ZNF276: variants seen among roughly 807,000 people sequenced by gnomAD.
The protein encoded by ZNF276 is zinc finger protein 276, also known as centromere protein Z.
In ZNF276, 59 loss-of-function variants were observed where a neutral mutation model predicts 63.9. That is an observed-to-expected ratio of 0.92 (90% CI 0.75 to 1.15). ZNF276 has a LOEUF of 1.15. Among genes scored for constraint, ZNF276 ranks in the 50% most tolerant of loss-of-function variants. The pLI is 0.00. For missense variants in ZNF276, 1,084 were observed against 843.8 expected, an observed-to-expected ratio of 1.28 and a Z score of -3.53; for synonymous variants, 496 against 348.4, an observed-to-expected ratio of 1.42 and a Z score of -4.72.
chr16:89,722,496 T>C, intron 1 of ZNF276, 35 bp from the exon 2 acceptor site: 1 of 1,576,784 alleles, frequency 6.3e-7, no homozygotes, highest in Non-Finnish European at 8.6e-7. Context: ...GAGCCTCCTT[T>C]GCCAGCTGCT....
intron 1 of ZNF276, 72 bp downstream of exon 1, chr16:89,721,917 G>T (rs886656474): frequency 3.1e-5 from 33 of 1,056,468 alleles, no homozygotes; most frequent in Non-Finnish European, 3.8e-5. Flanking sequence ...CCGCACTGAC[G>T]CCCGGAAGCC....
At chr16:89,733,606 C>T in intron 8 of ZNF276, 49 bp downstream of exon 8, 3 of 1,599,818 alleles carry the variant, frequency 1.9e-6, no homozygotes, top group Non-Finnish European at 2.6e-6. Context: ...TCAGTGTGAA[C>T]CTGGGGGAGG....
chr16:89,735,500 G>T (rs139792996), intron 9 of ZNF276, among the ~76,000 whole-genome samples: 15 of 121,760 alleles, frequency 1.2e-4, no homozygotes, highest in Non-Finnish European at 2.2e-4. Context: ...TCTCCTGATG[G>T]CAGCACTTCC....
chr16:89,735,450 C>T (rs191030873), intron 9 of ZNF276, among the ~76,000 whole-genome samples: 1 of 152,282 alleles, frequency 6.6e-6, no homozygotes, highest in East Asian at 1.9e-4. Flanking sequence ...TGGGTCATCT[C>T]CCGACATGCG....
In ZNF276 at chr16:89,740,334, A is replaced by C; in HGVS notation, c.*2088A>C. The C allele has an allele frequency of 1.8e-6, 1 of 551,930 alleles. No individual in the cohort carries two copies. The highest frequency in any genetic ancestry group is 3.3e-6 in the Non-Finnish European group (1 of 307,666). 34.2% of individuals were successfully genotyped at this position (551,930 alleles called of 1,614,324 possible). ...AGGCTGCTGCACCACGTCCTCAAAT[A>C]AGACATTAAAAGAAAGGCCCACAGG... On this transcript the variant is annotated 3_prime_UTR_variant, in exon 11 of 11. Transcript: ENST00000443381.
rs1299363697 is a variant in ZNF276 at position 89,721,795 on chromosome 16, G to A, written c.155G>A (p.Gly52Asp). 2 of 1,256,006 alleles carry A rather than the reference G, an allele frequency of 1.6e-6. No homozygotes were observed. Among genetic ancestry groups the A allele is most frequent in the Non-Finnish European group, 2.0e-6 (2 of 1,001,290 alleles). 77.8% of individuals were successfully genotyped at this position (1,256,006 alleles called of 1,614,324 possible). ...VDGATARRAWGPVGSCGDAGE... is the reference protein window; with the variant it reads ...VDGATARRAWDPVGSCGDAGE... ...GGGGCGACGGCGCGGCGCGCCTGGG[G>A]CCCGGTGGGGTCCTGCGGGGACGCG... Residue 52 changes from glycine (G) to aspartate (D), a missense_variant, in exon 1 of 11, where the codon GGC becomes GAC. Transcript: ENST00000443381.
At position 89,737,907 on chromosome 16, in the gene ZNF276, T is replaced by C; in HGVS notation, c.1574+2T>C. Reference sequence around the variant, plus strand: ...ACATTCGGGAGCCAAGCCTTTGCAGTAAGTGTGAGTCAGGACCCCCTCCCA... The same window carrying C: ...ACATTCGGGAGCCAAGCCTTTGCAGCAAGTGTGAGTCAGGACCCCCTCCCA... On this transcript the variant is annotated splice_donor_variant, in intron 10 of 10. Transcript: ENST00000443381. LOFTEE classifies it high-confidence loss of function. 1.9e-6 allele frequency: 3 copies of C among 1,592,502 alleles called. No individual in the cohort carries two copies. The highest frequency in any genetic ancestry group is 2.5e-6 in the Non-Finnish European group (3 of 1,176,592).
At chr16:89,721,907 C>T in intron 1 of ZNF276, 62 bp downstream of exon 1, 1 of 1,094,610 alleles carries the variant, frequency 9.1e-7, no homozygotes, top group Non-Finnish European at 1.1e-6. Flanking sequence ...GTGGGAGGAG[C>T]CGCACTGACG....
chr16:89,722,668 C>A lies in ZNF276; in HGVS notation c.343C>A (p.Arg115=), dbSNP rs147122487. The change falls in exon 2 of 11, where the codon CGG becomes AGG. Residue 115 remains arginine (R), a synonymous_variant. Coordinates refer to ENST00000443381, the MANE Select transcript of ZNF276 (RefSeq NM_001113525.2). ...RPSAEERVLV[R]DFQRLLGVAV... ...ATCCGCAGAGGAGCGCGTGCTCGTA[C>A]GGGACTTCCAGCGCCTGCTTGGTGT... 6.2e-7 allele frequency: 1 copy of A among 1,612,170 alleles called. No homozygotes were observed. Among genetic ancestry groups the A allele is most frequent in the African/African-American group, 1.3e-5 (1 of 74,952 alleles).
chr16:89,732,252 C>T (rs2061678050), intron 6 of ZNF276: 1 of 152,300 alleles, frequency 6.6e-6, no homozygotes, highest in South Asian at 2.1e-4. Flanking sequence ...AAATGCACGA[C>T]CCCAGACTTT....
rs561132817 is a variant in ZNF276, at chr16:89,733,680, G to A, written c.1356+123G>A. 6.1e-4 allele frequency: 714 copies of A among 1,169,672 alleles called. 1 individual carries two copies. Among genetic ancestry groups the A allele is most frequent in the Non-Finnish European group, 8.1e-4 (647 of 803,400 alleles). The allele number at this position is 1,169,672 out of a possible 1,614,324, so 72.5% of individuals were successfully genotyped here. On this transcript the variant is annotated intron_variant, in intron 8 of 10. Coordinates refer to ENST00000443381, the MANE Select transcript of ZNF276 (RefSeq NM_001113525.2). ...AAGGACACTTTGACCTAGGTTAACC[G>A]AGACCTGAAGCAGTCCTAGCCAGTG...
At chr16:89,725,587 C>T (rs774269686) in intron 4 of ZNF276, among the ~76,000 whole-genome samples, 20 of 151,740 alleles carry the variant, frequency 1.3e-4, no homozygotes, top group Non-Finnish European at 2.9e-4. Context: ...GTCAGGAGAT[C>T]GAGACCATCC....
intron 4 of ZNF276, among the ~76,000 whole-genome samples, chr16:89,724,129 C>G (rs1196288466): frequency 6.6e-6 from 1 of 152,232 alleles, no homozygotes; most frequent in Admixed American, 6.5e-5. Context: ...AGCCAGCCGC[C>G]TGGTGACACC....
At position 89,738,741 on chromosome 16, in the gene ZNF276, C is replaced by T. The variant is rs541302571; in HGVS notation, c.*495C>T. ...AGAGGAGCAGGTCCTCAGCCCATGC[C>T]GCCCACTAGGCCTCAGACCACAGGG... is the stretch of plus-strand genomic sequence containing the variant. On this transcript the variant is annotated 3_prime_UTR_variant, in exon 11 of 11. Transcript: ENST00000443381. 673 of 1,612,874 alleles carry T rather than the reference C, an allele frequency of 4.2e-4. 13 individuals carry two copies. The South Asian group carries it at 6.8e-3, about 16-fold the overall frequency.
At position 89,739,093 on chromosome 16, in the gene ZNF276, G is replaced by C; in HGVS notation, c.*847G>C. On this transcript the variant is annotated 3_prime_UTR_variant, in exon 11 of 11. Coordinates refer to ENST00000443381, the MANE Select transcript of ZNF276 (RefSeq NM_001113525.2). ...TTTGGCAGAAGGAGCCTCCGGCTGGGGGGAGCTCCCCTGGAGGTGGGACTG... is the reference window on the plus strand; with the variant it reads ...TTTGGCAGAAGGAGCCTCCGGCTGGCGGGAGCTCCCCTGGAGGTGGGACTG... The C allele has an allele frequency of 6.2e-7, 1 of 1,613,912 alleles. No individual in the cohort carries two copies. Among genetic ancestry groups the C allele is most frequent in the Non-Finnish European group, 8.5e-7 (1 of 1,179,872 alleles).
chr16:89,735,296 G>T (rs77069894), intron 9 of ZNF276, among the ~76,000 whole-genome samples: 4 of 151,410 alleles, frequency 2.6e-5, no homozygotes, highest in African/African-American at 9.7e-5. Flanking sequence ...GGGTGGGGGG[G>T]GGCCTGGAAC....
intron 6 of ZNF276, among the ~76,000 whole-genome samples, chr16:89,731,239 C>G (rs1182163041): frequency 6.6e-6 from 1 of 152,228 alleles, no homozygotes; most frequent in Non-Finnish European, 1.5e-5. Flanking sequence ...GCGAAGTCAA[C>G]AGTTCTTCTC....
In ZNF276 at chr16:89,733,560, G is replaced by T. The variant is rs368734930; in HGVS notation, c.1356+3G>T. ...ACCGAGGCGCTGACGGCATGAAGGT[G>T]AGCACTGGCTGTGCCTGACCCAGGC... On this transcript the variant is annotated splice_donor_region_variant and intron_variant, in intron 8 of 10. Coordinates refer to ENST00000443381, the MANE Select transcript of ZNF276 (RefSeq NM_001113525.2). The T allele has an allele frequency of 6.2e-7, 1 of 1,613,762 alleles. No homozygotes were observed. Among genetic ancestry groups the T allele is most frequent in the Non-Finnish European group, 8.5e-7 (1 of 1,180,016 alleles).
Position 89,723,178 on chromosome 16 carries a change from G to T in ZNF276, c.551G>T (p.Cys184Phe), listed in dbSNP as rs775497564. The T allele has an allele frequency of 6.2e-7, 1 of 1,613,218 alleles. No individual in the cohort carries two copies. The highest frequency in any genetic ancestry group is 8.5e-7 in the Non-Finnish European group (1 of 1,180,042). Residue 184 changes from cysteine to phenylalanine, a missense_variant, in exon 3 of 11, where the codon TGT (cysteine) becomes TTT (phenylalanine). Transcript: ENST00000443381. ...CCAACAGGGGCAGAGGAGGGAGCGTGTCTGGGTGAGTCCTCCCCCGGTGGA... is the reference window on the plus strand; with the variant it reads ...CCAACAGGGGCAGAGGAGGGAGCGTTTCTGGGTGAGTCCTCCCCCGGTGGA... ...QPPTGAEEGA[C>F]LVDLITSSPQ...
Sources: gnomAD v4.1 joint callset for allele counts (sites outside exome capture counted in the v4.1 genomes callset) on GRCh38, gnomAD v4.1.1 for gene constraint, MANE v1.5 for transcripts, NCBI Gene and HGNC (gene_info 2026-07-23, HGNC 2026-07-21) for gene names.